Variants in CNTNAP5 observed in about 807,000 individuals in gnomAD.
CNTNAP5 encodes contactin associated protein family member 5.
CNTNAP5 carries 72 observed loss-of-function variants against 150.2 expected under a neutral mutation model. The ratio of observed to expected loss-of-function variants is 0.48; its 90% confidence interval spans 0.40 to 0.58. The LOEUF is 0.58. Ranked by LOEUF, CNTNAP5 falls within the 20% of genes least tolerant of loss-of-function variation. The pLI, the probability that CNTNAP5 is intolerant of heterozygous loss-of-function variation, is 0.00. For synonymous variants in CNTNAP5, 672 were observed against 619.8 expected, an observed-to-expected ratio of 1.08 and a Z score of -1.25; for missense variants, 1,636 against 1,626.2, an observed-to-expected ratio of 1.01 and a Z score of -0.10.
rs1678785642 is a variant in CNTNAP5, at chr2:124,917,139, C to A, written c.*2851C>A. 6.6e-6 allele frequency among the ~76,000 whole-genome samples: 1 copy of A among 151,720 alleles called. No homozygotes were observed. The highest frequency in any genetic ancestry group is 1.5e-5 in the Non-Finnish European group (1 of 67,918). ...ACCATTTTTTTTTTCTTTTTCCTAC[C>A]ACATTCAGGTTTCCCAACTACATGC... On this transcript the variant is annotated 3_prime_UTR_variant, in exon 24 of 24. Coordinates refer to ENST00000682447, the MANE Select transcript of CNTNAP5 (RefSeq NM_001367498.1).
At chr2:124,356,306 CTTT>C (rs201900685) in intron 3 of CNTNAP5, among the ~76,000 whole-genome samples, 2 of 140,002 alleles carry the variant, frequency 1.4e-5, no homozygotes, top group Non-Finnish European at 3.1e-5. Context: ...ACCTCAACAT[CTTT>C]TTTTTTTTTT....
intron 4 of CNTNAP5, among the ~76,000 whole-genome samples, chr2:124,424,791 TCA>T (rs1692200368): frequency 6.6e-6 from 1 of 152,124 alleles, no homozygotes; most frequent in African/African-American, 2.4e-5. Flanking sequence ...CTTTAGGAAC[TCA>T]CAGATTTTCA....
intron 11 of CNTNAP5, among the ~76,000 whole-genome samples, chr2:124,598,557 C>T (rs1165048100): frequency 4.7e-5 from 7 of 150,502 alleles, no homozygotes; most frequent in Admixed American, 1.3e-4. Flanking sequence ...GGCTGTCAGA[C>T]AGGGACATTT....
intron 3 of CNTNAP5, among the ~76,000 whole-genome samples, chr2:124,288,630 A>T (rs1376155873): frequency 6.6e-6 from 1 of 152,268 alleles, no homozygotes. Context: ...GGAACTCATG[A>T]TTCTTGCTAT....
intron 14 of CNTNAP5, among the ~76,000 whole-genome samples, chr2:124,756,758 G>T (rs897603215): frequency 6.6e-6 from 1 of 152,076 alleles, no homozygotes; most frequent in Non-Finnish European, 1.5e-5. Context: ...ACACACTGGG[G>T]CCTGTAGGAG....
chr2:124,233,426 C>T (rs1170078713), intron 2 of CNTNAP5, among the ~76,000 whole-genome samples: 14 of 152,086 alleles, frequency 9.2e-5, no homozygotes, highest in Non-Finnish European at 1.6e-4. Context: ...CTGATGCTCA[C>T]AAAACTTTGG....
intron 5 of CNTNAP5, among the ~76,000 whole-genome samples, chr2:124,438,947 T>A (rs745711577): frequency 4.6e-5 from 7 of 152,196 alleles, no homozygotes; most frequent in Non-Finnish European, 8.8e-5. Context: ...CAAGGTCACA[T>A]AGCTGCAAAG....
At position 124,446,945 on chromosome 2, in the gene CNTNAP5, G is replaced by A. The variant is rs1368550133; in HGVS notation, c.918+8G>A. 1 of 1,610,038 alleles carries A rather than the reference G, an allele frequency of 6.2e-7. No homozygotes were observed. Among genetic ancestry groups the A allele is most frequent in the East Asian group, 2.2e-5 (1 of 44,784 alleles). On this transcript the variant is annotated splice_region_variant and intron_variant, in intron 6 of 23. Transcript: ENST00000682447. ...TTAGACATTGACTATGAGGTGAGTT[G>A]ATCCTCCTTCCTGCACCTCCTCGGC...
intron 21 of CNTNAP5, among the ~76,000 whole-genome samples, chr2:124,878,634 T>A (rs1388524824): frequency 1.3e-5 from 2 of 152,080 alleles, no homozygotes; most frequent in East Asian, 3.9e-4. Flanking sequence ...CTTTAATTGA[T>A]GATTGGTAAA....
chr2:124,461,819 C>T (rs1693261934), intron 6 of CNTNAP5, among the ~76,000 whole-genome samples: 1 of 148,986 alleles, frequency 6.7e-6, no homozygotes, highest in African/African-American at 2.5e-5. Context: ...CAAGATTGCA[C>T]CATTGCACTC....
intron 12 of CNTNAP5, among the ~76,000 whole-genome samples, chr2:124,634,109 C>T (rs1415180697): frequency 1.3e-5 from 2 of 152,216 alleles, no homozygotes; most frequent in African/African-American, 4.8e-5. Context: ...CTCCTCTTTA[C>T]TTATGCAAAT....
chr2:124,468,011 G>A (rs1379538067), intron 6 of CNTNAP5, among the ~76,000 whole-genome samples: 1 of 152,044 alleles, frequency 6.6e-6, no homozygotes, highest in Non-Finnish European at 1.5e-5. Context: ...TCACTAATGG[G>A]GTGGTTTGTG....
chr2:124,368,299 C>T (rs1263852116), intron 3 of CNTNAP5, among the ~76,000 whole-genome samples: 1 of 152,134 alleles, frequency 6.6e-6, no homozygotes, highest in Non-Finnish European at 1.5e-5. Context: ...AATGCCATTT[C>T]CATTCATCTG....
At chr2:124,475,601 C>T (rs564332574) in intron 7 of CNTNAP5, among the ~76,000 whole-genome samples, 1 of 152,090 alleles carries the variant, frequency 6.6e-6, no homozygotes, top group East Asian at 1.9e-4. Flanking sequence ...ATTTAGTATG[C>T]TATGTATTCT....
chr2:124,910,972 C>G (rs1678642071), intron 22 of CNTNAP5, among the ~76,000 whole-genome samples: 1 of 151,930 alleles, frequency 6.6e-6, no homozygotes, highest in South Asian at 2.1e-4. Context: ...GATGCTTTTT[C>G]TTATATCATA....
At chr2:124,043,174 G>C (rs13427115) in intron 1 of CNTNAP5, among the ~76,000 whole-genome samples, 2,997 of 152,254 alleles carry the variant, frequency 0.02, 93 homozygotes, top group African/African-American at 0.061. Flanking sequence ...TTGGGAAAAG[G>C]ACCTTGGAAG....
intron 19 of CNTNAP5, among the ~76,000 whole-genome samples, chr2:124,809,980 A>G (rs1682172430): frequency 6.6e-6 from 1 of 152,188 alleles, no homozygotes; most frequent in Non-Finnish European, 1.5e-5. Flanking sequence ...GAACTTCTGA[A>G]GAAAAACACT....
chr2:124,647,879 G>C lies in CNTNAP5; in HGVS notation c.1998G>C (p.Glu666Asp). The C allele has an allele frequency of 6.2e-7, 1 of 1,612,920 alleles. No homozygotes were observed. The highest frequency in any genetic ancestry group is 1.3e-5 in the African/African-American group (1 of 75,042). The change falls in exon 13 of 24, where the codon GAG (glutamate) becomes GAC (aspartate). Residue 666 changes from glutamate (E) to aspartate (D), a missense_variant. Glu to Asp is a conservative substitution (Grantham distance 45). Coordinates refer to ENST00000682447, the MANE Select transcript of CNTNAP5 (RefSeq NM_001367498.1). Reference sequence around the variant, plus strand: ...ACGGGGGCAGCATGGAACAGCTGGAGGCCGTGATCGACGGCTCTGAGCACT... The same window carrying C: ...ACGGGGGCAGCATGGAACAGCTGGACGCCGTGATCGACGGCTCTGAGCACT... ...LDYGGSMEQLEAVIDGSEHCE... is the reference protein window; with the variant it reads ...LDYGGSMEQLDAVIDGSEHCE...
At chr2:124,905,098 T>G (rs1037809203) in intron 22 of CNTNAP5, among the ~76,000 whole-genome samples, 1 of 141,998 alleles carries the variant, frequency 7.0e-6, no homozygotes, top group Non-Finnish European at 1.5e-5. Flanking sequence ...AGGCAAAGGA[T>G]GTGAATAGTT....
Sources: allele counts gnomAD v4.1 joint callset (sites outside exome capture counted in the v4.1 genomes callset), GRCh38; gene constraint gnomAD v4.1.1; transcripts MANE v1.5; gene names NCBI Gene and HGNC (gene_info 2026-07-23, HGNC 2026-07-21).